LONP2: variants seen among roughly 807,000 people sequenced by gnomAD.
The protein encoded by LONP2 is lon protease homolog 2, peroxisomal.
Under a neutral mutation model 85.6 loss-of-function variants are expected in LONP2, and 60 were observed. The observed-to-expected ratio is 0.70, with a 90% CI of 0.57 to 0.87. The LOEUF is 0.87. LONP2 is among the 40% of genes least tolerant of loss of function. LONP2 has a pLI of 0.00. For synonymous variants in LONP2, 395 were observed against 389.7 expected, an observed-to-expected ratio of 1.01 and a Z score of -0.16; for missense variants, 860 against 1,063.5, an observed-to-expected ratio of 0.81 and a Z score of 2.66.
rs1283341580 is a variant in LONP2 at position 48,352,798 on chromosome 16, C to T, written c.*996C>T. ...GCACCCTGGCCCTGGATGCCTGCAA[C>T]CTCAGAAGAGTGCAGCTCCCAGAGG... On this transcript the variant is annotated 3_prime_UTR_variant, in exon 15 of 15. Transcript: ENST00000285737. 2 of 152,320 alleles carry T rather than the reference C, an allele frequency of 1.3e-5. No individual in the cohort carries two copies. The highest frequency in any genetic ancestry group is 1.3e-4 in the Admixed American group (2 of 15,286). The allele number at this position is 152,320 out of a possible 1,614,324, so 9.4% of individuals were successfully genotyped here.
At chr16:48,348,760 C>G (rs1471812628) in intron 14 of LONP2, among the ~76,000 whole-genome samples, 2 of 152,154 alleles carry the variant, frequency 1.3e-5, no homozygotes, top group African/African-American at 2.4e-5. Context: ...TCCCAAAGTG[C>G]TGGGATTACA....
At chr16:48,303,720 C>T (rs751268825) in intron 11 of LONP2, among the ~76,000 whole-genome samples, 2 of 152,066 alleles carry the variant, frequency 1.3e-5, no homozygotes, top group African/African-American at 4.8e-5. Flanking sequence ...GTAGGGAAGC[C>T]GACAGTACAG....
chr16:48,312,060 C>G (rs1450496550), intron 11 of LONP2, among the ~76,000 whole-genome samples: 2 of 152,092 alleles, frequency 1.3e-5, no homozygotes, highest in Non-Finnish European at 2.9e-5. Flanking sequence ...TGTGCCTCAG[C>G]CTCCTGAGTA....
intron 2 of LONP2, among the ~76,000 whole-genome samples, chr16:48,253,633 C>T (rs1004729368): frequency 2.0e-5 from 3 of 152,118 alleles, no homozygotes; most frequent in African/African-American, 4.8e-5. Context: ...TTCTTTTCAG[C>T]AGTGATGTTC....
intron 12 of LONP2, chr16:48,345,407 G>A (rs991475534): frequency 3.9e-5 from 6 of 152,194 alleles, no homozygotes; most frequent in African/African-American, 1.2e-4. Context: ...CCCTAGAAAG[G>A]AGCCTGAATG....
In LONP2 at chr16:48,252,250, C is replaced by T. The variant is rs1971670365; in HGVS notation, c.353C>T (p.Pro118Leu). ...ATTGTACAGGTCTTAAAAGAGAAGC[C>T]ATATCCCATTGCTGAAGTGGAGCAG... ...FQIVQVLKEK[P>L]YPIAEVEQLD... The change falls in exon 2 of 15, where the codon CCA becomes CTA. Residue 118 changes from proline (P) to leucine (L), a missense_variant. Physicochemically the swap from Pro to Leu is moderately conservative, Grantham distance 98. Coordinates refer to ENST00000285737, the MANE Select transcript of LONP2 (RefSeq NM_031490.5). 2 of 1,614,152 alleles carry T rather than the reference C, an allele frequency of 1.2e-6. No homozygotes were observed. The highest frequency in any genetic ancestry group is 2.7e-5 in the African/African-American group (2 of 75,062).
At chr16:48,326,963 C>A (rs1959253577) in intron 11 of LONP2, among the ~76,000 whole-genome samples, 1 of 152,210 alleles carries the variant, frequency 6.6e-6, no homozygotes, top group African/African-American at 2.4e-5. Flanking sequence ...TGGTCCTTCC[C>A]CAGAGGAGTC....
rs990623218 is a variant in LONP2 at position 48,261,356 on chromosome 16, G to A, written c.724-68G>A. ...TATTCAGCACCAGTCATAATCTTATGTGTACCTGGGTACTTCGTTTCCAAT... is the reference window on the plus strand; with the variant it reads ...TATTCAGCACCAGTCATAATCTTATATGTACCTGGGTACTTCGTTTCCAAT... On this transcript the variant is annotated intron_variant, in intron 4 of 14. Transcript: ENST00000285737. 1.3e-5 allele frequency: 15 copies of A among 1,147,170 alleles called. No homozygotes were observed. The African/African-American group carries it at 2.4e-4, about 18-fold the overall frequency. 71.1% of individuals were successfully genotyped at this position (1,147,170 alleles called of 1,614,324 possible).
At chr16:48,328,123 G>GA (rs1312298467) in intron 11 of LONP2, among the ~76,000 whole-genome samples, 1 of 151,986 alleles carries the variant, frequency 6.6e-6, no homozygotes, top group South Asian at 2.1e-4. Context: ...AACTAAGAAT[G>GA]AAAAAAAGGC....
intron 7 of LONP2, among the ~76,000 whole-genome samples, chr16:48,271,149 C>A (rs767160196): frequency 4.3e-4 from 65 of 152,022 alleles, no homozygotes; most frequent in Non-Finnish European, 7.2e-4. Context: ...CCACTGCACG[C>A]CAGCCTGGAG....
intron 11 of LONP2, among the ~76,000 whole-genome samples, chr16:48,309,529 A>G (rs946806594): frequency 1.3e-5 from 2 of 152,308 alleles, no homozygotes; most frequent in Admixed American, 6.5e-5. Context: ...AGAGTGTGGA[A>G]TAATAGACAC....
chr16:48,324,846 G>A (rs1407209240), intron 11 of LONP2, among the ~76,000 whole-genome samples: 2 of 151,994 alleles, frequency 1.3e-5, no homozygotes, highest in East Asian at 3.9e-4. Context: ...ATAGTGTGAT[G>A]TTTCAGTACA....
In LONP2 at chr16:48,280,517, A is replaced by G. The variant is rs372265798; in HGVS notation, c.1383+3038A>G. On this transcript the variant is annotated intron_variant, in intron 8 of 14. Transcript: ENST00000285737. ...TTGATAACAAGCAGCTAGCATAATG[A>G]TATTTTCTTGTCTGATGTAGACCTT... 4.7e-4 allele frequency among the ~76,000 whole-genome samples: 72 copies of G among 152,272 alleles called. No individual in the cohort carries two copies. In the Middle Eastern group the frequency reaches 0.01, roughly 22 times the overall value.
intron 8 of LONP2, among the ~76,000 whole-genome samples, chr16:48,289,509 G>A (rs937739664): frequency 6.6e-6 from 1 of 152,102 alleles, no homozygotes; most frequent in African/African-American, 2.4e-5. Flanking sequence ...TAGAATGGGA[G>A]GCAGGTTTGC....
At chr16:48,361,697 A>G, downstream of LONP2, 1 of 1,614,158 alleles carries the variant, frequency 6.2e-7, no homozygotes, top group East Asian at 2.2e-5. Flanking sequence ...CAATTCCTTC[A>G]TGAATAGATC....
At chr16:48,299,850 C>T in intron 10 of LONP2, 62 bp downstream of exon 10, 1 of 1,516,388 alleles carries the variant, frequency 6.6e-7, no homozygotes. Context: ...TACTGAGTTA[C>T]CAAACAGGAC....
At position 48,259,012 on chromosome 16, in the gene LONP2, A is replaced by G. The variant is rs1444937372; in HGVS notation, c.723+272A>G. 2.0e-5 allele frequency among the ~76,000 whole-genome samples: 3 copies of G among 152,224 alleles called. No individual in the cohort carries two copies. In the East Asian group the frequency reaches 5.8e-4, roughly 29 times the overall value. On this transcript the variant is annotated intron_variant, in intron 4 of 14. Coordinates refer to ENST00000285737, the MANE Select transcript of LONP2 (RefSeq NM_031490.5). ...GTTTTGTGTATTGTAAACACTAACA[A>G]ATAACTATGATGGGTGTCTTTGAGT...
In LONP2 at chr16:48,262,714, A is replaced by T. The variant is rs568418163; in HGVS notation, c.888-64A>T. ...TAACCAAGAAAGAGAGCTGTGTTTG[A>T]TTTTTCTGTTATGGAATTTTTCTGT... is the stretch of plus-strand genomic sequence containing the variant. On this transcript the variant is annotated intron_variant, in intron 5 of 14. Transcript: ENST00000285737. The T allele has an allele frequency of 8.6e-6, 9 of 1,052,280 alleles. No homozygotes were observed. The African/African-American group carries it at 1.5e-4, about 17-fold the overall frequency. The allele number at this position is 1,052,280 out of a possible 1,614,324, so 65.2% of individuals were successfully genotyped here.
chr16:48,320,210 A>G (rs1221826724), intron 11 of LONP2, among the ~76,000 whole-genome samples: 2 of 151,516 alleles, frequency 1.3e-5, no homozygotes, highest in Non-Finnish European at 2.9e-5. Context: ...TGAAGTTTAT[A>G]CTGTAGAATA....
Sources: gnomAD v4.1 joint callset for allele counts (sites outside exome capture counted in the v4.1 genomes callset) on GRCh38, gnomAD v4.1.1 for gene constraint, MANE v1.5 for transcripts, NCBI Gene and HGNC (gene_info 2026-07-23, HGNC 2026-07-21) for gene names.